Variants in ZDHHC14 observed in about 807,000 individuals in gnomAD.
The protein encoded by ZDHHC14 is zDHHC palmitoyltransferase 14, also known as palmitoyltransferase ZDHHC14.
ZDHHC14 carries 16 observed loss-of-function variants against 47.7 expected under a neutral mutation model. That is an observed-to-expected ratio of 0.34 (90% confidence interval 0.23 to 0.51). ZDHHC14 has a LOEUF of 0.51. Among genes scored for constraint, ZDHHC14 ranks in the 20% least tolerant of loss-of-function variants. The pLI, the probability that ZDHHC14 is intolerant of heterozygous loss-of-function variation, is 0.97. For synonymous variants in ZDHHC14, 293 were observed against 278.9 expected (o/e 1.05, Z -0.50); for missense variants, 515 against 662.5 (o/e 0.78, Z 2.44).
At chr6:157,404,314 T>G (rs1022006988) in intron 1 of ZDHHC14, among the ~76,000 whole-genome samples, 4 of 152,104 alleles carry the variant, frequency 2.6e-5, no homozygotes, top group Admixed American at 6.5e-5. Flanking sequence ...TTTTTGTTTT[T>G]CGTAGAGGTG....
chr6:157,529,989 C>G (rs947255000), intron 1 of ZDHHC14, among the ~76,000 whole-genome samples: 3 of 152,174 alleles, frequency 2.0e-5, no homozygotes, highest in Non-Finnish European at 4.4e-5. Context: ...ATACCAATGT[C>G]ATAGACAATT....
intron 8 of ZDHHC14, among the ~76,000 whole-genome samples, chr6:157,665,776 G>A (rs1277687675): frequency 6.6e-6 from 1 of 152,148 alleles, no homozygotes; most frequent in Non-Finnish European, 1.5e-5. Flanking sequence ...TCACAAGTGG[G>A]GGATGGGGGT....
intron 1 of ZDHHC14, among the ~76,000 whole-genome samples, chr6:157,505,894 C>T (rs1308125442): frequency 6.6e-6 from 1 of 152,236 alleles, no homozygotes; most frequent in Admixed American, 6.5e-5. Flanking sequence ...TCAGATGTAA[C>T]TGAGTGCACC....
chr6:157,624,501 A>G (rs904213206), intron 3 of ZDHHC14, among the ~76,000 whole-genome samples: 1 of 152,328 alleles, frequency 6.6e-6, no homozygotes, highest in African/African-American at 2.4e-5. Flanking sequence ...CAAATAACAC[A>G]AGGAACTCTT....
chr6:157,504,848 T>C (rs1249850505), intron 1 of ZDHHC14, among the ~76,000 whole-genome samples: 1 of 152,180 alleles, frequency 6.6e-6, no homozygotes, highest in African/African-American at 2.4e-5. Flanking sequence ...TCTCACTCTG[T>C]TGACCAGGCT....
At chr6:157,636,254 ATTT>A (rs1776969393) in intron 5 of ZDHHC14, among the ~76,000 whole-genome samples, 1 of 151,996 alleles carries the variant, frequency 6.6e-6, no homozygotes, top group South Asian at 2.1e-4. Context: ...GTATGTATGT[ATTT>A]TTAAGCCCTC....
At chr6:157,639,053 C>T (rs557307814) in intron 5 of ZDHHC14, among the ~76,000 whole-genome samples, 98 of 152,384 alleles carry the variant, frequency 6.4e-4, no homozygotes, top group African/African-American at 2.0e-3. Context: ...TTTGGCTGAG[C>T]ATCAAAAGGA....
At chr6:157,611,424 C>A (rs544937060) in intron 3 of ZDHHC14, among the ~76,000 whole-genome samples, 2,811 of 152,290 alleles carry the variant, frequency 0.018, 36 homozygotes, top group Non-Finnish European at 0.022. Flanking sequence ...CTGTTTATGA[C>A]AAAAGAGTGA....
intron 1 of ZDHHC14, among the ~76,000 whole-genome samples, chr6:157,469,005 G>A (rs1779290804): frequency 6.6e-6 from 1 of 152,194 alleles, no homozygotes; most frequent in Non-Finnish European, 1.5e-5. Context: ...TTCTGGGAGG[G>A]AAGAGGTCTT....
intron 3 of ZDHHC14, among the ~76,000 whole-genome samples, chr6:157,624,854 G>A (rs1192385607): frequency 6.6e-6 from 1 of 152,232 alleles, no homozygotes; most frequent in African/African-American, 2.4e-5. Flanking sequence ...TGCTGTGACA[G>A]AGTACCACAG....
intron 1 of ZDHHC14, among the ~76,000 whole-genome samples, chr6:157,541,991 C>T (rs942828246): frequency 2.6e-4 from 40 of 152,300 alleles, no homozygotes; most frequent in South Asian, 1.2e-3. Context: ...AATCTTCTTC[C>T]GAAACCTGCC....
At chr6:157,464,312 T>G (rs890410386) in intron 1 of ZDHHC14, among the ~76,000 whole-genome samples, 1 of 152,230 alleles carries the variant, frequency 6.6e-6, no homozygotes, top group African/African-American at 2.4e-5. Flanking sequence ...CTTAAATATA[T>G]ATGCTGAATA....
intron 8 of ZDHHC14, among the ~76,000 whole-genome samples, chr6:157,655,795 G>A (rs1437596563): frequency 6.6e-6 from 1 of 152,190 alleles, no homozygotes; most frequent in Non-Finnish European, 1.5e-5. Context: ...GATGGCAAAT[G>A]TCCTTGTCAA....
chr6:157,552,422 C>T (rs1402619100), intron 2 of ZDHHC14, among the ~76,000 whole-genome samples: 1 of 151,866 alleles, frequency 6.6e-6, no homozygotes, highest in African/African-American at 2.4e-5. Flanking sequence ...GGAGGGGAGG[C>T]CAGATGGGCT....
intron 1 of ZDHHC14, among the ~76,000 whole-genome samples, chr6:157,453,208 A>G (rs1027645154): frequency 6.6e-6 from 1 of 152,188 alleles, no homozygotes; most frequent in African/African-American, 2.4e-5. Context: ...CAGGTATTCC[A>G]AAGGGATCTC....
intron 1 of ZDHHC14, among the ~76,000 whole-genome samples, chr6:157,395,849 G>GTCTGTTAC (rs1211451084): frequency 2.6e-5 from 4 of 151,784 alleles, no homozygotes; most frequent in Non-Finnish European, 5.9e-5. Context: ...TACATATAGT[G>GTCTGTTAC]ATAGACTCAT....
At chr6:157,596,143 G>A (rs1350512597) in intron 3 of ZDHHC14, among the ~76,000 whole-genome samples, 1 of 152,194 alleles carries the variant, frequency 6.6e-6, no homozygotes. Context: ...TTAATTATGG[G>A]ACACTGGGGC....
intron 3 of ZDHHC14, among the ~76,000 whole-genome samples, chr6:157,607,290 A>G (rs1476571416): frequency 6.6e-6 from 1 of 152,154 alleles, no homozygotes; most frequent in Non-Finnish European, 1.5e-5. Context: ...GACAAGTCAC[A>G]TTATCTCTCC....
intron 1 of ZDHHC14, among the ~76,000 whole-genome samples, chr6:157,452,246 AT>A (rs35501167): frequency 0.065 from 9,742 of 149,988 alleles, 369 homozygotes; most frequent in South Asian, 0.1. Context: ...AGTACCTAGT[AT>A]TTTTTTTTTT....
Sources: gnomAD v4.1 joint callset for allele counts (sites outside exome capture counted in the v4.1 genomes callset) on GRCh38, gnomAD v4.1.1 for gene constraint, MANE v1.5 for transcripts, NCBI Gene and HGNC (gene_info 2026-07-23, HGNC 2026-07-21) for gene names.